The following ARMC5 variants were observed in gnomAD, a reference collection of about 807,000 sequenced individuals.
ARMC5 encodes the protein armadillo repeat-containing protein 5.
Under a neutral mutation model 60.5 loss-of-function variants are expected in ARMC5, and 28 were observed. That is an observed-to-expected ratio of 0.46 (90% CI 0.34 to 0.63). The LOEUF (loss-of-function observed/expected upper bound fraction) is 0.63. ARMC5 is among the 30% of genes least tolerant of loss of function. ARMC5 has a pLI of 0.01. For missense variants in ARMC5, 1,189 were observed against 1,304.9 expected (o/e 0.91, Z 1.37); for synonymous variants, 680 against 607.3 (o/e 1.12, Z -1.76).
Position 31,462,179 on chromosome 16 carries a change from A to C in ARMC5, c.632A>C (p.Gln211Pro). The stretch of plus-strand genomic sequence containing the variant: ...AGCCTGACAGCCTGCCAGGACTCGC[A>C]GTGCCTACAGAGCGTGGTGCGTGCC... ...VESLTACQDS[Q>P]CLQSVVRALR... Residue 211 changes from glutamine (Q) to proline (P), a missense_variant, in exon 3 of 6, where the codon CAG becomes CCG. Gln to Pro is a moderately conservative substitution (Grantham distance 76). Transcript: ENST00000268314. The surrounding 1 kb of genome is among the most constrained non-coding windows in gnomAD (Gnocchi z 7.2). The C allele has an allele frequency of 6.2e-7, 1 of 1,612,682 alleles. No individual in the cohort carries two copies. The highest frequency in any genetic ancestry group is 8.5e-7 in the Non-Finnish European group (1 of 1,179,960).
chr16:31,458,890 G>A, upstream of ARMC5: 1 of 1,535,682 alleles, frequency 6.5e-7, no homozygotes, highest in South Asian at 1.2e-5. Context: ...GTCCAGAGCG[G>A]AGGACACTCG....
upstream of ARMC5, chr16:31,459,077 C>G: frequency 6.7e-7 from 1 of 1,490,578 alleles, no homozygotes; most frequent in Admixed American, 2.2e-5. Flanking sequence ...TCTCGGAGTC[C>G]GTCCCAAGGC....
rs2082331815 is a variant in ARMC5, at chr16:31,464,480, T to C, written c.1457T>C (p.Met486Thr). Residue 486 changes from methionine to threonine, a missense_variant, in exon 4 of 6, where the codon ATG (methionine) becomes ACG (threonine). Around this residue, in one of 2 missense-constraint regions of ARMC5, gnomAD observed 862 missense variants for 1,071.2 expected, o/e 0.80. Coordinates refer to ENST00000268314, the MANE Select transcript of ARMC5 (RefSeq NM_001105247.2). The surrounding 1 kb of genome is among the most constrained non-coding windows in gnomAD (Gnocchi z 7.6). ...WSPEQCPPEP[M>T]EPASPAPTPT... Reference sequence around the variant, plus strand: ...CCTGAGCAGTGTCCGCCGGAGCCCATGGAGCCGGCCAGCCCCGCCCCGACC... The same window carrying C: ...CCTGAGCAGTGTCCGCCGGAGCCCACGGAGCCGGCCAGCCCCGCCCCGACC... The C allele has an allele frequency of 6.2e-7, 1 of 1,606,534 alleles. No individual in the cohort carries two copies. The highest frequency in any genetic ancestry group is 1.1e-5 in the South Asian group (1 of 90,470).
At position 31,462,732 on chromosome 16, in the gene ARMC5, G is replaced by A. The variant is rs1251892280; in HGVS notation, c.1185G>A (p.Val395=). The A allele has an allele frequency of 1.2e-6, 2 of 1,613,792 alleles. No homozygotes were observed. Among genetic ancestry groups the A allele is most frequent in the Non-Finnish European group, 1.7e-6 (2 of 1,180,022 alleles). The part of the protein sequence containing the change: ...AWHPRIVAAL[V]GFLYDTGALG... The stretch of plus-strand genomic sequence containing the variant: ...ACCCTCGTATTGTGGCTGCCCTTGT[G>A]GGGTTTCTGTATGACACTGGGGCCC... The change falls in exon 3 of 6, where the codon GTG becomes GTA. Residue 395 remains valine, a synonymous_variant. Coordinates refer to ENST00000268314, the MANE Select transcript of ARMC5 (RefSeq NM_001105247.2). The surrounding 1 kb of genome is among the most constrained non-coding windows in gnomAD (Gnocchi z 7.2).
chr16:31,465,248 A>G, intron 4 of ARMC5: 1 of 1,532,042 alleles, frequency 6.5e-7, no homozygotes, highest in Non-Finnish European at 8.8e-7. Context: ...CCTCACCATC[A>G]CCCCCAGCAC....
Position 31,464,539 on chromosome 16 carries a change from A to G in ARMC5, c.1516A>G (p.Thr506Ala), listed in dbSNP as rs1041738262. The change falls in exon 4 of 6, where the codon ACT becomes GCT. Residue 506 changes from threonine (T) to alanine (A), a missense_variant. Physicochemically the swap from Thr to Ala is moderately conservative, Grantham distance 58 (BLOSUM62 0). Transcript: ENST00000268314. The surrounding 1 kb of genome is among the most constrained non-coding windows in gnomAD (Gnocchi z 7.6). The part of the protein sequence containing the change: ...TSLRAPRTQR[T>A]PGRSPAAAIE... ...GCTGCGGGCACCACGCACCCAACGC[A>G]CTCCGGGCCGCAGCCCCGCCGCCGC... 2 of 1,591,066 alleles carry G rather than the reference A, an allele frequency of 1.3e-6. No individual in the cohort carries two copies. The highest frequency in any genetic ancestry group is 1.7e-5 in the Admixed American group (1 of 57,214).
chr16:31,461,156 A>G (rs1257111218), intron 1 of ARMC5, among the ~76,000 whole-genome samples: 1 of 152,118 alleles, frequency 6.6e-6, no homozygotes, highest in Non-Finnish European at 1.5e-5. Flanking sequence ...GTGCTGTGTG[A>G]TGCCAGTAGC....
Position 31,466,000 on chromosome 16 carries a change from G to T in ARMC5, c.1997+18G>T. ...ATCTGCCGGTGAGTGGGAAGTGGGT[G>T]CCTTGCGGGGTTGGGGGAGGAGTGC... On this transcript the variant is annotated intron_variant, in intron 5 of 5. Coordinates refer to ENST00000268314, the MANE Select transcript of ARMC5 (RefSeq NM_001105247.2). 1 of 1,599,022 alleles carries T rather than the reference G, an allele frequency of 6.3e-7. No homozygotes were observed. Among genetic ancestry groups the T allele is most frequent in the Non-Finnish European group, 8.5e-7 (1 of 1,177,568 alleles).
intron 4 of ARMC5, 129 bp from the exon 5 acceptor site, chr16:31,465,721 T>C (rs2082350810): frequency 6.6e-6 from 10 of 1,515,458 alleles, no homozygotes; most frequent in Non-Finnish European, 8.8e-6. Context: ...CCCAGCACTG[T>C]CTCTTCAGTG....
Position 31,464,598 on chromosome 16 carries a change from C to A in ARMC5, c.1575C>A (p.Ala525=). Residue 525 remains alanine, a synonymous_variant, in exon 4 of 6, where the codon GCC becomes GCA. Coordinates refer to ENST00000268314, the MANE Select transcript of ARMC5 (RefSeq NM_001105247.2). This position sits in a 1 kb window ranked among gnomAD's most constrained non-coding sequence, Gnocchi z 7.6. ...AGCCTTGGGGACGCGAAGGGCCAGC[C>A]CTGCTGCTGCTGTCGCGCTTTTCCC... ...IEEPWGREGP[A]LLLLSRFSQA... is the part of the protein sequence containing the mutation. 6.3e-7 allele frequency: 1 copy of A among 1,589,326 alleles called. No homozygotes were observed. The highest frequency in any genetic ancestry group is 8.5e-7 in the Non-Finnish European group (1 of 1,173,244).
At position 31,459,503 on chromosome 16, in the gene ARMC5, G is replaced by A; in HGVS notation, c.-22G>A. On this transcript the variant is annotated 5_prime_UTR_variant, in exon 1 of 6. Coordinates refer to ENST00000268314, the MANE Select transcript of ARMC5 (RefSeq NM_001105247.2). ...TGGGATCAGCGGCGAGAAGCGGGGC[G>A]GAGTCTGAGGCCCGAGCCAAGATGG... is the stretch of plus-strand genomic sequence containing the variant. The A allele has an allele frequency of 2.5e-6, 4 of 1,591,040 alleles. No individual in the cohort carries two copies. Among genetic ancestry groups the A allele is most frequent in the South Asian group, 2.3e-5 (2 of 87,856 alleles).
At chr16:31,458,376 C>T, upstream of ARMC5, 6 of 1,533,838 alleles carry the variant, frequency 3.9e-6, no homozygotes, top group South Asian at 3.6e-5. Context: ...CCACACTAGG[C>T]ACAGGCATAG....
chr16:31,464,742 C>T lies in ARMC5; in HGVS notation c.1719C>T (p.Leu573=). ...SPRALRILSR[L]TCNPACLEAF... ...GTGCACTGCGCATTCTGTCACGCCT[C>T]ACCTGCAACCCTGCCTGCCTCGAGG... is the stretch of plus-strand genomic sequence containing the variant. The change falls in exon 4 of 6, where the codon CTC becomes CTT. Residue 573 remains leucine (L), a synonymous_variant. Transcript: ENST00000268314. The surrounding 1 kb of genome is among the most constrained non-coding windows in gnomAD (Gnocchi z 7.6). 1.3e-6 allele frequency: 2 copies of T among 1,599,204 alleles called. No homozygotes were observed. The highest frequency in any genetic ancestry group is 1.7e-6 in the Non-Finnish European group (2 of 1,179,368).
At position 31,462,601 on chromosome 16, in the gene ARMC5, G is replaced by T. The variant is rs1484658615; in HGVS notation, c.1054G>T (p.Val352Leu). Reference protein sequence around the residue: ...PTSQQPLVRAVCLLCREAINR... With the variant: ...PTSQQPLVRALCLLCREAINR... ...CTCCCAGCAGCCCCTGGTGCGGGCT[G>T]TGTGCCTCCTATGTCGTGAGGCCAT... The change falls in exon 3 of 6, where the codon GTG (valine) becomes TTG (leucine). Residue 352 changes from valine to leucine, a missense_variant. Coordinates refer to ENST00000268314, the MANE Select transcript of ARMC5 (RefSeq NM_001105247.2). This position sits in a 1 kb window ranked among gnomAD's most constrained non-coding sequence, Gnocchi z 7.2. 6.2e-7 allele frequency: 1 copy of T among 1,613,284 alleles called. No homozygotes were observed. Among genetic ancestry groups the T allele is most frequent in the Non-Finnish European group, 8.5e-7 (1 of 1,180,018 alleles).
rs774461415 is a variant in ARMC5, at chr16:31,459,520, C to A, written c.-5C>A. On this transcript the variant is annotated 5_prime_UTR_variant, in exon 1 of 6. Coordinates refer to ENST00000268314, the MANE Select transcript of ARMC5 (RefSeq NM_001105247.2). ...AGCGGGGCGGAGTCTGAGGCCCGAG[C>A]CAAGATGGCGGCTGCGAAGCCAACC... 2 of 1,600,266 alleles carry A rather than the reference C, an allele frequency of 1.2e-6. No homozygotes were observed. The highest frequency in any genetic ancestry group is 1.7e-5 in the Admixed American group (1 of 58,474).
rs960810162 is a variant in ARMC5 at position 31,462,986 on chromosome 16, C to A, written c.1370+69C>A. The A allele has an allele frequency of 7.9e-6, 11 of 1,391,190 alleles. No individual in the cohort carries two copies. The East Asian group carries it at 2.3e-4, about 28-fold the overall frequency. The allele number at this position is 1,391,190 out of a possible 1,614,324, so 86.2% of individuals were successfully genotyped here. On this transcript the variant is annotated intron_variant, in intron 3 of 5. Transcript: ENST00000268314. This position sits in a 1 kb window ranked among gnomAD's most constrained non-coding sequence, Gnocchi z 7.2. Reference sequence around the variant, plus strand: ...ATGTGGGGTTTGTGTCTGTCTTGGTCCTCTTCACTACCTCCACCCCTATTC... The same window carrying A: ...ATGTGGGGTTTGTGTCTGTCTTGGTACTCTTCACTACCTCCACCCCTATTC...
In ARMC5 at chr16:31,464,763, C is replaced by G. The variant is rs201720272; in HGVS notation, c.1740C>G (p.Leu580=). The change falls in exon 4 of 6, where the codon CTC becomes CTG. Residue 580 remains leucine, a synonymous_variant. Coordinates refer to ENST00000268314, the MANE Select transcript of ARMC5 (RefSeq NM_001105247.2). The surrounding 1 kb of genome is among the most constrained non-coding windows in gnomAD (Gnocchi z 7.6). ...LSRLTCNPAC[L]EAFVRSYGAA... is the part of the protein sequence containing the mutation. ...GCCTCACCTGCAACCCTGCCTGCCTCGAGGCCTTCGTGCGCAGCTATGGCG... is the reference window on the plus strand; with the variant it reads ...GCCTCACCTGCAACCCTGCCTGCCTGGAGGCCTTCGTGCGCAGCTATGGCG... 1.3e-6 allele frequency: 2 copies of G among 1,599,082 alleles called. No individual in the cohort carries two copies. The highest frequency in any genetic ancestry group is 1.7e-5 in the Admixed American group (1 of 59,914).
intron 4 of ARMC5, chr16:31,465,158 T>G (rs752323547): frequency 5.0e-6 from 8 of 1,610,310 alleles, no homozygotes. Flanking sequence ...TGGGCTGGTC[T>G]GTGCTTCTTT....
intron 4 of ARMC5, chr16:31,465,385 T>G: frequency 7.8e-7 from 1 of 1,288,946 alleles, no homozygotes; most frequent in Non-Finnish European, 1.0e-6. Context: ...TGTCTTCTGG[T>G]CACACCTCAC....
Sources: allele counts gnomAD v4.1 joint callset (sites outside exome capture counted in the v4.1 genomes callset), GRCh38; gene constraint gnomAD v4.1.1; regional missense constraint gnomAD v4.1.1; non-coding constraint Gnocchi (gnomAD v3.1); transcripts MANE v1.5; gene names NCBI Gene and HGNC (gene_info 2026-07-23, HGNC 2026-07-21).